CELF2: variants seen among roughly 807,000 people sequenced by gnomAD.
The protein encoded by CELF2 is CUG triplet repeat RNA-binding protein 2.
In CELF2, 8 loss-of-function variants were observed where a neutral mutation model predicts 62.6. The observed-to-expected ratio is 0.13, with a 90% CI of 0.07 to 0.23. The LOEUF (loss-of-function observed/expected upper bound fraction) is 0.23. CELF2 is among the 10% of genes least tolerant of loss of function. The probability of loss-of-function intolerance (pLI) is 1.00; values close to 1 mark genes in which losing one functional copy is unlikely to be tolerated. For missense variants in CELF2, 333 were observed against 671.0 expected (o/e 0.50, Z 5.56); for synonymous variants, 258 against 250.0 (o/e 1.03, Z -0.30).
the CELF2 span, among the ~76,000 whole-genome samples, chr10:10,610,734 A>G: frequency 2.0e-5 from 3 of 152,204 alleles, no homozygotes; most frequent in African/African-American, 7.2e-5. Flanking sequence ...TGGATTCAGC[A>G]CAGTCAATAA....
At chr10:11,289,091 CTTG>C (rs894396426) in intron 9 of CELF2, among the ~76,000 whole-genome samples, 122 of 152,116 alleles carry the variant, frequency 8.0e-4, no homozygotes, top group African/African-American at 2.7e-3. Context: ...ATTTTGTTGC[CTTG>C]TTGTTCAAAA....
At chr10:10,718,542 T>G in the CELF2 span, among the ~76,000 whole-genome samples, 1 of 151,210 alleles carries the variant, frequency 6.6e-6, no homozygotes, top group East Asian at 1.9e-4. Context: ...GAGAATTGCT[T>G]GACCCTAGGA....
upstream of CELF2, among the ~76,000 whole-genome samples, chr10:11,004,412 T>TGC (rs1451496363): frequency 2.8e-5 from 4 of 140,424 alleles, no homozygotes; most frequent in African/African-American, 1.3e-4. This position sits in a 1 kb window ranked among gnomAD's most constrained non-coding sequence, Gnocchi z 5.0. Flanking sequence ...CCTGTGTGTG[T>TGC]GTGCGCGCGC....
intron 2 of CELF2, among the ~76,000 whole-genome samples, chr10:11,197,059 A>AGAGAG (rs1565233617): frequency 1.4e-4 from 7 of 49,060 alleles, no homozygotes; most frequent in African/African-American, 2.5e-4. Context: ...GAAAGAAAGA[A>AGAGAG]AAGAAAGAAA....
intron 1 of CELF2, among the ~76,000 whole-genome samples, chr10:11,127,032 GCTAT>G (rs2058820396): frequency 6.6e-6 from 1 of 151,938 alleles, no homozygotes; most frequent in Non-Finnish European, 1.5e-5. Context: ...TTCTCCTAAT[GCTAT>G]CTGTCTGCCA....
In CELF2 at chr10:11,269,361, A is replaced by G. The variant is rs190429051; in HGVS notation, c.619-1305A>G. Among the ~76,000 whole-genome samples, 22 of 152,300 alleles carry G rather than the reference A, an allele frequency of 1.4e-4. No individual in the cohort carries two copies. Among genetic ancestry groups the G allele is most frequent in the Admixed American group, 1.2e-3 (18 of 15,302 alleles). On this transcript the variant is annotated intron_variant, in intron 6 of 12. Coordinates refer to ENST00000633077, the MANE Select transcript of CELF2 (RefSeq NM_001326342.2). The surrounding 1 kb of genome is among the most constrained non-coding windows in gnomAD (Gnocchi z 4.4). ...TTCTCACTTTTTTTTATTAACAGAC[A>G]TGATATCCTCATGTATTCAGAACTG... is the stretch of plus-strand genomic sequence containing the variant.
intron 1 of CELF2, among the ~76,000 whole-genome samples, chr10:10,841,358 C>A (rs1290091173): frequency 7.7e-6 from 1 of 130,390 alleles, no homozygotes; most frequent in African/African-American, 2.9e-5. Flanking sequence ...AAAAAAAAAA[C>A]CTCTTCATCA....
the CELF2 span, among the ~76,000 whole-genome samples, chr10:10,564,641 TACACACACACACACACAC>T: frequency 1.5e-5 from 2 of 136,182 alleles, no homozygotes; most frequent in Non-Finnish European, 3.1e-5. Flanking sequence ...GTTAACTGAA[TACACACACACACACACAC>T]ACACACACAC....
chr10:10,838,071 G>A (rs554789834), intron 1 of CELF2, among the ~76,000 whole-genome samples: 1 of 152,082 alleles, frequency 6.6e-6, no homozygotes, highest in Admixed American at 6.5e-5. Flanking sequence ...AGTACATTTA[G>A]TGTCACGTTT....
At chr10:11,304,169 T>A (rs2140256631) in intron 9 of CELF2, among the ~76,000 whole-genome samples, 1 of 152,284 alleles carries the variant, frequency 6.6e-6, no homozygotes, top group South Asian at 2.1e-4. Context: ...GGTGTGTTCC[T>A]TCTGGAGGCT....
intron 2 of CELF2, among the ~76,000 whole-genome samples, chr10:11,174,130 T>C (rs1464745481): frequency 6.6e-6 from 1 of 152,166 alleles, no homozygotes; most frequent in Non-Finnish European, 1.5e-5. Context: ...AAATATGTCT[T>C]CAAATGTTTC....
At chr10:10,677,387 T>G in the CELF2 span, among the ~76,000 whole-genome samples, 1 of 152,294 alleles carries the variant, frequency 6.6e-6, no homozygotes, top group Non-Finnish European at 1.5e-5. Context: ...TTTGGAAAGG[T>G]AGAAGCAGTT....
rs1376392160 is a variant in CELF2 at position 10,993,961 on chromosome 10, C to T, written c.89+73962C>T. On this transcript the variant is annotated intron_variant, in intron 2 of 13. Coordinates refer to the CELF2 transcript ENST00000636488. This position sits in a 1 kb window ranked among gnomAD's most constrained non-coding sequence, Gnocchi z 5.3. ...GGGAGAAGGCTCCAAGGAGAGGAGC[C>T]TCATGAGAAACCAAACCTGCTGTCA... Among the ~76,000 whole-genome samples, 1 of 152,186 alleles carries T rather than the reference C, an allele frequency of 6.6e-6. No homozygotes were observed. The highest frequency in any genetic ancestry group is 1.5e-5 in the Non-Finnish European group (1 of 68,034).
chr10:11,146,147 C>T (rs1242041396), intron 1 of CELF2, among the ~76,000 whole-genome samples: 2 of 152,198 alleles, frequency 1.3e-5, no homozygotes, highest in Non-Finnish European at 2.9e-5. Flanking sequence ...GGGTCTGAAG[C>T]ATCAAAACCC....
chr10:11,076,836 A>G (rs1263205377), intron 1 of CELF2, among the ~76,000 whole-genome samples: 2 of 152,212 alleles, frequency 1.3e-5, no homozygotes, highest in African/African-American at 4.8e-5. Flanking sequence ...AGTCAGTAGT[A>G]TAATTTCAGG....
At chr10:11,210,089 G>T (rs565046609) in intron 2 of CELF2, among the ~76,000 whole-genome samples, 1 of 152,322 alleles carries the variant, frequency 6.6e-6, no homozygotes, top group East Asian at 1.9e-4. Flanking sequence ...GAATTCAAAG[G>T]CAGCGTGTAA....
At chr10:10,753,425 T>A in the CELF2 span, among the ~76,000 whole-genome samples, 307 of 152,134 alleles carry the variant, frequency 2.0e-3, 1 homozygote, top group African/African-American at 7.0e-3. Context: ...ATACTTTAGC[T>A]CAAAGTTGCA....
intron 1 of CELF2, among the ~76,000 whole-genome samples, chr10:11,089,027 T>TA (rs1189488914): frequency 6.6e-6 from 1 of 152,174 alleles, no homozygotes; most frequent in Non-Finnish European, 1.5e-5. Context: ...GGGGGAGCCT[T>TA]CTAGTAGAAC....
chr10:10,661,370 G>T, the CELF2 span, among the ~76,000 whole-genome samples: 4 of 152,116 alleles, frequency 2.6e-5, no homozygotes, highest in Admixed American at 1.3e-4. Flanking sequence ...AGTTGGATTC[G>T]GTTTTATAAA....
Sources: gnomAD v4.1 joint callset for allele counts (sites outside exome capture counted in the v4.1 genomes callset) on GRCh38, gnomAD v4.1.1 for gene constraint, Gnocchi (gnomAD v3.1) non-coding constraint, MANE v1.5 for transcripts, NCBI Gene and HGNC (gene_info 2026-07-23, HGNC 2026-07-21) for gene names.